Variants in TRPM6 observed in about 807,000 individuals in gnomAD.
The protein encoded by TRPM6 is transient receptor potential cation channel subfamily M member 6.
A neutral mutation model predicts 247.6 loss-of-function variants in TRPM6; 111 were observed. That is an observed-to-expected ratio of 0.45 (90% confidence interval 0.38 to 0.52). TRPM6 has a LOEUF of 0.52. Ranked by LOEUF, TRPM6 falls within the 20% of genes least tolerant of loss-of-function variation. The probability of loss-of-function intolerance (pLI) is 0.00; values close to 1 mark genes in which losing one functional copy is unlikely to be tolerated. For missense variants in TRPM6, 2,126 were observed against 2,421.5 expected (o/e 0.88, Z 2.56); for synonymous variants, 892 against 853.8 (o/e 1.04, Z -0.78).
chr9:74,834,214 T>A lies in TRPM6; in HGVS notation c.545-92A>T, dbSNP rs1233858107. 2.0e-6 allele frequency: 3 copies of A among 1,478,866 alleles called. No individual in the cohort carries two copies. In the East Asian group the frequency reaches 6.9e-5, roughly 34 times the overall value. 91.6% of individuals were successfully genotyped at this position (1,478,866 alleles called of 1,614,324 possible). The stretch of plus-strand genomic sequence containing the variant: ...AAACAGACAAATAAATAGGCAAGCA[T>A]ATGCAAGGGCTATTCTTAGGGAGAG... On this transcript the variant is annotated intron_variant, in intron 5 of 38. Coordinates refer to ENST00000360774, the MANE Select transcript of TRPM6 (RefSeq NM_017662.5).
chr9:74,762,647 C>T lies in TRPM6; in HGVS notation c.4024G>A (p.Gly1342Ser). Reference sequence around the variant, plus strand: ...TTAGAGGGGACCAGAAGAAACTGGCCATACTTTGAGTGTGCTTGCCTGTTA... The same window carrying T: ...TTAGAGGGGACCAGAAGAAACTGGCTATACTTTGAGTGTGCTTGCCTGTTA... ...SPNRQAHSKY[G>S]QFLLVPSNLK... The change falls in exon 26 of 39, where the codon GGC becomes AGC. Residue 1342 changes from glycine (G) to serine (S), a missense_variant. Coordinates refer to ENST00000360774, the MANE Select transcript of TRPM6 (RefSeq NM_017662.5). 6.2e-7 allele frequency: 1 copy of T among 1,614,162 alleles called. No homozygotes were observed. Among genetic ancestry groups the T allele is most frequent in the Non-Finnish European group, 8.5e-7 (1 of 1,180,028 alleles).
At chr9:74,832,544 T>C (rs891559722) in intron 6 of TRPM6, among the ~76,000 whole-genome samples, 2 of 152,204 alleles carry the variant, frequency 1.3e-5, no homozygotes, top group Admixed American at 1.3e-4. Context: ...CCATATATTT[T>C]AGAAAGAACT....
intron 14 of TRPM6, chr9:74,804,512 G>A: frequency 1.4e-6 from 1 of 712,938 alleles, no homozygotes; most frequent in Non-Finnish European, 2.6e-6. Flanking sequence ...ATCCTGAAGA[G>A]ATTGAAAAAG....
Position 74,796,854 on chromosome 9 carries a change from G to A in TRPM6, c.2278C>T (p.Leu760=), listed in dbSNP as rs1191637490. 3.7e-6 allele frequency: 6 copies of A among 1,613,850 alleles called. No homozygotes were observed. The highest frequency in any genetic ancestry group is 1.7e-4 in the Middle Eastern group (1 of 6,060). ...ATCTCAGCTTTGCTTTTAAATTCCA[G>A]TGTCAAAATGGTGGGTGGTAAAATA... ...SIILPPTILT[L]EFKSKAEMSH... is the part of the protein sequence containing the mutation. Residue 760 remains leucine (L), a synonymous_variant, in exon 18 of 39, where the codon CTG becomes TTG. Coordinates refer to ENST00000360774, the MANE Select transcript of TRPM6 (RefSeq NM_017662.5).
chr9:74,769,340 G>A (rs1279197843), intron 25 of TRPM6, among the ~76,000 whole-genome samples: 2 of 152,054 alleles, frequency 1.3e-5, no homozygotes, highest in Admixed American at 6.6e-5. Flanking sequence ...GTAGAGACGG[G>A]GTTTTGCCAT....
chr9:74,835,911 G>A (rs573684479), intron 5 of TRPM6, among the ~76,000 whole-genome samples: 1 of 152,194 alleles, frequency 6.6e-6, no homozygotes, highest in East Asian at 1.9e-4. Flanking sequence ...GCATCCCCCA[G>A]GAGACTGGTA....
chr9:74,797,416 C>A (rs921501424), intron 17 of TRPM6, among the ~76,000 whole-genome samples: 2 of 152,120 alleles, frequency 1.3e-5, no homozygotes, highest in African/African-American at 4.8e-5. Context: ...TTCCATATAA[C>A]CTATGCACAT....
At chr9:74,753,920 T>C (rs1170128629) in intron 28 of TRPM6, among the ~76,000 whole-genome samples, 1 of 152,152 alleles carries the variant, frequency 6.6e-6, no homozygotes, top group Non-Finnish European at 1.5e-5. Flanking sequence ...CCTCTCCCTC[T>C]GATCATCTGA....
intron 23 of TRPM6, among the ~76,000 whole-genome samples, chr9:74,780,993 AGAAATCTATTAAATTTCTAACTGGTGAAG>A (rs1213386407): frequency 6.6e-6 from 1 of 152,136 alleles, no homozygotes; most frequent in African/African-American, 2.4e-5. Context: ...TTTAAATTTT[AGAAATCTATTAAATTTCTAACTGGTGAAG>A]GAAGGGGCCA....
intron 14 of TRPM6, 41 bp from the exon 15 acceptor site, chr9:74,803,927 G>A (rs79939776): frequency 1.2e-5 from 15 of 1,201,648 alleles, no homozygotes; most frequent in African/African-American, 6.0e-5. Context: ...TCTCTGGCAC[G>A]TTATTATTTT....
At chr9:74,771,382 CTCCA>C (rs963187869) in intron 25 of TRPM6, among the ~76,000 whole-genome samples, 2 of 152,114 alleles carry the variant, frequency 1.3e-5, no homozygotes, top group African/African-American at 2.4e-5. Context: ...AGGTTTTGTT[CTCCA>C]TCCACTTCAT....
intron 1 of TRPM6, among the ~76,000 whole-genome samples, chr9:74,877,714 G>T (rs1422594423): frequency 6.6e-6 from 1 of 152,138 alleles, no homozygotes; most frequent in African/African-American, 2.4e-5. Flanking sequence ...AAAATGCCCT[G>T]AGGAAAGGCA....
At chr9:74,801,504 C>G (rs1828337440) in intron 16 of TRPM6, among the ~76,000 whole-genome samples, 1 of 152,098 alleles carries the variant, frequency 6.6e-6, no homozygotes, top group Non-Finnish European at 1.5e-5. Context: ...TAAGACAATG[C>G]ATTTATTTGT....
At chr9:74,834,919 T>G (rs763230098) in intron 5 of TRPM6, among the ~76,000 whole-genome samples, 1 of 152,116 alleles carries the variant, frequency 6.6e-6, no homozygotes, top group Non-Finnish European at 1.5e-5. Context: ...GTCTTTATAG[T>G]AGCATGATTT....
At chr9:74,848,836 G>A (rs1159725739) in intron 3 of TRPM6, among the ~76,000 whole-genome samples, 3 of 152,092 alleles carry the variant, frequency 2.0e-5, no homozygotes, top group African/African-American at 7.2e-5. Context: ...CTGCTTATCT[G>A]ATGACAAATA....
chr9:74,843,385 C>G (rs941626665), intron 3 of TRPM6, among the ~76,000 whole-genome samples: 2 of 152,138 alleles, frequency 1.3e-5, no homozygotes, highest in Admixed American at 1.3e-4. Context: ...TCCCATGAAT[C>G]ACGAATGTTC....
At chr9:74,831,240 C>T (rs1432439897) in intron 6 of TRPM6, among the ~76,000 whole-genome samples, 2 of 152,082 alleles carry the variant, frequency 1.3e-5, no homozygotes, top group Non-Finnish European at 2.9e-5. Flanking sequence ...GCCTGTAATC[C>T]CAGCACTTTG....
chr9:74,880,051 A>G (rs1425055384), intron 1 of TRPM6, among the ~76,000 whole-genome samples: 1 of 152,066 alleles, frequency 6.6e-6, no homozygotes, highest in East Asian at 1.9e-4. Context: ...GCTTGATGTG[A>G]TGGGAAAACT....
chr9:74,883,161 G>T (rs1007399094), intron 1 of TRPM6, among the ~76,000 whole-genome samples: 8 of 152,010 alleles, frequency 5.3e-5, no homozygotes, highest in African/African-American at 1.9e-4. Context: ...TGTCCTCAAG[G>T]TTCATCCATG....
Sources: gnomAD v4.1 joint callset for allele counts (sites outside exome capture counted in the v4.1 genomes callset) on GRCh38, gnomAD v4.1.1 for gene constraint, MANE v1.5 for transcripts, NCBI Gene and HGNC (gene_info 2026-07-23, HGNC 2026-07-21) for gene names.